HSPA12A: variants seen among roughly 807,000 people sequenced by gnomAD.
The protein encoded by HSPA12A is heat shock protein family A (Hsp70) member 12A.
Under a neutral mutation model 69.2 loss-of-function variants are expected in HSPA12A, and 28 were observed. The observed-to-expected ratio is 0.40, with a 90% CI of 0.30 to 0.55. HSPA12A has a LOEUF of 0.55. HSPA12A is among the 20% of genes least tolerant of loss of function. The pLI is 0.38. For missense variants in HSPA12A, 686 were observed against 900.7 expected, an observed-to-expected ratio of 0.76 and a Z score of 3.05; for synonymous variants, 345 against 370.5, an observed-to-expected ratio of 0.93 and a Z score of 0.79.
At chr10:116,684,054 G>T in intron 6 of HSPA12A, 92 bp from the exon 7 acceptor site, 2 of 1,060,822 alleles carry the variant, frequency 1.9e-6, no homozygotes, top group Non-Finnish European at 2.6e-6. Context: ...CCTAAGGAGG[G>T]CGCACTCGTG....
chr10:116,674,848 T>A lies in HSPA12A; in HGVS notation c.1961A>T (p.Lys654Ile). 2 of 1,613,776 alleles carry A rather than the reference T, an allele frequency of 1.2e-6. No homozygotes were observed. The highest frequency in any genetic ancestry group is 2.2e-5 in the South Asian group (2 of 91,078). Residue 654 changes from lysine (K) to isoleucine (I), a missense_variant, in exon 12 of 12, where the codon AAA (lysine) becomes ATA (isoleucine). Transcript: ENST00000369209. The stretch of plus-strand genomic sequence containing the variant: ...AGTGGCTATATCAATGGCTGTGGCT[T>A]TGATCTCGGTGTCCCCGAACTGCAT... ...TLMQFGDTEI[K>I]ATAIDIATSK...
intron 2 of HSPA12A, among the ~76,000 whole-genome samples, chr10:116,799,012 C>T (rs1844897884): frequency 6.6e-6 from 1 of 152,100 alleles, no homozygotes; most frequent in Non-Finnish European, 1.5e-5. Flanking sequence ...TGGCGAGATG[C>T]CCAGGGCTCT....
At chr10:116,700,830 A>AAG in intron 4 of HSPA12A, 113 bp downstream of exon 4, 1 of 920,792 alleles carries the variant, frequency 1.1e-6, no homozygotes. Flanking sequence ...TTCTGCTTGG[A>AAG]AGAGACCAGA....
At chr10:116,832,721 A>T (rs1845641725) in intron 2 of HSPA12A, 1 of 152,202 alleles carries the variant, frequency 6.6e-6, no homozygotes, top group South Asian at 2.1e-4. Flanking sequence ...TCAGGCCGAA[A>T]AAATAACTTG....
intron 1 of HSPA12A, among the ~76,000 whole-genome samples, chr10:116,714,164 T>C (rs1850535983): frequency 6.6e-6 from 1 of 151,972 alleles, no homozygotes; most frequent in South Asian, 2.1e-4. Context: ...GATGAATGGA[T>C]GGACTTTTTA....
chr10:116,727,049 GAACA>G (rs1554885127), intron 1 of HSPA12A, among the ~76,000 whole-genome samples: 1 of 152,142 alleles, frequency 6.6e-6, no homozygotes, highest in Non-Finnish European at 1.5e-5. Flanking sequence ...ATTTTGCCAA[GAACA>G]GACATTAACA....
At chr10:116,815,100 T>A (rs1315220569) in intron 2 of HSPA12A, among the ~76,000 whole-genome samples, 1 of 54,588 alleles carries the variant, frequency 1.8e-5, no homozygotes, top group Non-Finnish European at 5.0e-5. Context: ...TCCCTACCCA[T>A]TTTTTTTTTT....
At chr10:116,767,113 C>T (rs1554889859) in intron 2 of HSPA12A, among the ~76,000 whole-genome samples, 1 of 152,154 alleles carries the variant, frequency 6.6e-6, no homozygotes, top group East Asian at 1.9e-4. Context: ...GGCACCTGAT[C>T]TGGTTCTAGC....
At chr10:116,757,860 G>A in intron 2 of HSPA12A, among the ~76,000 whole-genome samples, 1 of 152,164 alleles carries the variant, frequency 6.6e-6, no homozygotes, top group South Asian at 2.1e-4. Context: ...GCCACATCCA[G>A]ATAAATACAA....
At chr10:116,820,345 C>A (rs559284707) in intron 2 of HSPA12A, among the ~76,000 whole-genome samples, 1 of 152,020 alleles carries the variant, frequency 6.6e-6, no homozygotes, top group Non-Finnish European at 1.5e-5. Flanking sequence ...GGAGGACAGG[C>A]GTGGAGTTTG....
chr10:116,675,156 C>A lies in HSPA12A; in HGVS notation c.1653G>T (p.Pro551=). The A allele has an allele frequency of 6.2e-7, 1 of 1,613,920 alleles. No homozygotes were observed. Reference sequence around the variant, plus strand: ...CATCCTTCACCAGCAGCTTCTCAGGCGGGTGCTTGCCCTCCACGTAGCGGT... The same window carrying A: ...CATCCTTCACCAGCAGCTTCTCAGGAGGGTGCTTGCCCTCCACGTAGCGGT... ...VLNRYVEGKH[P]PEKLLVKDGT... is the part of the protein sequence containing the mutation. Residue 551 remains proline, a synonymous_variant, in exon 12 of 12, where the codon CCG becomes CCT. Transcript: ENST00000369209. This position sits in a 1 kb window ranked among gnomAD's most constrained non-coding sequence, Gnocchi z 5.2.
At chr10:116,699,633 A>G (rs1395371706) in intron 4 of HSPA12A, among the ~76,000 whole-genome samples, 1 of 151,800 alleles carries the variant, frequency 6.6e-6, no homozygotes, top group Non-Finnish European at 1.5e-5. Flanking sequence ...GCACTTGCTC[A>G]CTCCTCCCAG....
chr10:116,812,368 G>A (rs773250889), intron 2 of HSPA12A, among the ~76,000 whole-genome samples: 17 of 152,104 alleles, frequency 1.1e-4, no homozygotes, highest in African/African-American at 2.7e-4. Flanking sequence ...CAGGAGAATC[G>A]CTTGAACCCA....
intron 1 of HSPA12A, among the ~76,000 whole-genome samples, chr10:116,846,081 G>A (rs368792510): frequency 1.3e-5 from 2 of 152,312 alleles, no homozygotes; most frequent in East Asian, 1.9e-4. Flanking sequence ...TTTCCCCAGT[G>A]CCTAGAACAG....
intron 2 of HSPA12A, among the ~76,000 whole-genome samples, chr10:116,800,005 T>C (rs1405040131): frequency 6.6e-6 from 1 of 152,036 alleles, no homozygotes; most frequent in East Asian, 1.9e-4. Flanking sequence ...TTTTCCAGGG[T>C]ATCAATGAAG....
rs541170465 is a variant in HSPA12A at position 116,675,810 on chromosome 10, G to A, written c.1391-392C>T. Reference sequence around the variant, plus strand: ...ATAAAAATCCCATTCCACTCCTAGAGAGTCTGATTTGGTAGGCGGGGGACA... The same window carrying A: ...ATAAAAATCCCATTCCACTCCTAGAAAGTCTGATTTGGTAGGCGGGGGACA... On this transcript the variant is annotated intron_variant, in intron 11 of 11. Coordinates refer to ENST00000369209, the MANE Select transcript of HSPA12A (RefSeq NM_025015.3). This position sits in a 1 kb window ranked among gnomAD's most constrained non-coding sequence, Gnocchi z 5.2. 5.3e-4 allele frequency among the ~76,000 whole-genome samples: 81 copies of A among 152,292 alleles called. No homozygotes were observed. Among genetic ancestry groups the A allele is most frequent in the African/African-American group, 1.8e-3 (76 of 41,556 alleles).
chr10:116,746,866 A>G (rs1323488274), upstream of HSPA12A, among the ~76,000 whole-genome samples: 1 of 152,168 alleles, frequency 6.6e-6, no homozygotes, highest in Non-Finnish European at 1.5e-5. Context: ...ATATGAGTTC[A>G]TATCTGAACT....
intron 1 of HSPA12A, among the ~76,000 whole-genome samples, chr10:116,731,196 C>T (rs1324458963): frequency 6.6e-6 from 1 of 152,208 alleles, no homozygotes; most frequent in Admixed American, 6.5e-5. Context: ...TGCCTTGGCT[C>T]TTGGCAGAAT....
upstream of HSPA12A, chr10:116,849,836 C>T (rs1023578579): frequency 7.6e-7 from 1 of 1,310,230 alleles, no homozygotes; most frequent in Non-Finnish European, 1.0e-6. Context: ...TCTCGCATGC[C>T]AGCCGCCCGG....
Sources: gnomAD v4.1 joint callset for allele counts (sites outside exome capture counted in the v4.1 genomes callset) on GRCh38, gnomAD v4.1.1 for gene constraint, Gnocchi (gnomAD v3.1) non-coding constraint, MANE v1.5 for transcripts, NCBI Gene and HGNC (gene_info 2026-07-23, HGNC 2026-07-21) for gene names.